The following SEC24A variants were observed in gnomAD, a reference collection of about 807,000 sequenced individuals.
SEC24A encodes SEC24 homolog A, COPII component.
A neutral mutation model predicts 129.4 loss-of-function variants in SEC24A; 93 were observed. The observed-to-expected ratio is 0.72, with a 90% CI of 0.61 to 0.85. SEC24A has a LOEUF of 0.85. Ranked by LOEUF, SEC24A falls within the 40% of genes least tolerant of loss-of-function variation. The probability of loss-of-function intolerance (pLI) is 0.00; values close to 1 mark genes in which losing one functional copy is unlikely to be tolerated. For missense variants in SEC24A, 1,264 were observed against 1,307.4 expected (o/e 0.97, Z 0.51); for synonymous variants, 460 against 467.3 (o/e 0.98, Z 0.20).
At chr5:134,686,535 C>T (rs1289634562) in intron 9 of SEC24A, among the ~76,000 whole-genome samples, 1 of 152,184 alleles carries the variant, frequency 6.6e-6, no homozygotes, top group Non-Finnish European at 1.5e-5. Flanking sequence ...CCACGCCCAG[C>T]CACAGGCCCT....
At chr5:134,678,916 TC>T (rs1451357379) in intron 7 of SEC24A, among the ~76,000 whole-genome samples, 19 of 152,152 alleles carry the variant, frequency 1.2e-4, no homozygotes, top group Admixed American at 9.8e-4. Context: ...GGTCTTACTT[TC>T]TTGCCCAGGT....
chr5:134,678,121 A>G (rs1217344408), intron 7 of SEC24A, among the ~76,000 whole-genome samples: 3 of 152,180 alleles, frequency 2.0e-5, no homozygotes, highest in African/African-American at 4.8e-5. Context: ...TCTTGGGCTC[A>G]AGCAGTCCTC....
chr5:134,704,685 C>G (rs948019485), intron 16 of SEC24A, among the ~76,000 whole-genome samples: 1 of 151,654 alleles, frequency 6.6e-6, no homozygotes, highest in Non-Finnish European at 1.5e-5. Context: ...CACTGGTAGT[C>G]CTACCTACTT....
In SEC24A at chr5:134,725,269, A is replaced by G. The variant is rs1752732419; in HGVS notation, c.*175A>G. On this transcript the variant is annotated 3_prime_UTR_variant, in exon 23 of 23. Coordinates refer to ENST00000398844, the MANE Select transcript of SEC24A (RefSeq NM_021982.3). ...AAAAGACCACAGCAGAGAATCAAACATGCAACTCTGAAATACTGTATTTTT... is the reference window on the plus strand; with the variant it reads ...AAAAGACCACAGCAGAGAATCAAACGTGCAACTCTGAAATACTGTATTTTT... The G allele has an allele frequency of 2.0e-6, 1 of 506,390 alleles. No homozygotes were observed. Among genetic ancestry groups the G allele is most frequent in the Admixed American group, 4.0e-5 (1 of 25,148 alleles). The allele number at this position is 506,390 out of a possible 1,614,324, so 31.4% of individuals were successfully genotyped here.
At position 134,718,166 on chromosome 5, in the gene SEC24A, C is replaced by A; in HGVS notation, c.2963C>A (p.Ala988Glu). The A allele has an allele frequency of 6.2e-7, 1 of 1,611,290 alleles. No homozygotes were observed. Among genetic ancestry groups the A allele is most frequent in the Non-Finnish European group, 8.5e-7 (1 of 1,177,400 alleles). Residue 988 changes from alanine (A) to glutamate (E), a missense_variant, in exon 20 of 23, where the codon GCA becomes GAA. Ala to Glu is a moderately radical substitution (Grantham distance 107). Transcript: ENST00000398844. The stretch of plus-strand genomic sequence containing the variant: ...AGAGATGGAGCTTTCCTCATGGATG[C>A]AGGCTCTGTAAGTAATTTGACTTAT... ...LSRDGAFLMD[A>E]GSVLMLWVGK...
intron 15 of SEC24A, chr5:134,701,124 G>A (rs1751995925): frequency 6.6e-6 from 1 of 152,208 alleles, no homozygotes. Context: ...TGGGATTACA[G>A]GCATGAGCTA....
In SEC24A at chr5:134,673,323, G is replaced by A. The variant is rs187740096; in HGVS notation, c.818-1292G>A. 3.1e-3 allele frequency among the ~76,000 whole-genome samples: 478 copies of A among 152,046 alleles called. 4 individuals are homozygous for A. Among genetic ancestry groups the A allele is most frequent in the African/African-American group, 0.011 (449 of 41,480 alleles). ...CCTACCTCGGCCTCCCAAAGTGCTGGGATTACAGGTATGAGCCACCTCGCC... is the reference window on the plus strand; with the variant it reads ...CCTACCTCGGCCTCCCAAAGTGCTGAGATTACAGGTATGAGCCACCTCGCC... On this transcript the variant is annotated intron_variant, in intron 4 of 22. Transcript: ENST00000398844.
chr5:134,666,506 G>C (rs1750663812), intron 2 of SEC24A, among the ~76,000 whole-genome samples: 1 of 151,974 alleles, frequency 6.6e-6, no homozygotes, highest in Non-Finnish European at 1.5e-5. Context: ...GCAGTGAACT[G>C]AGATAGCGCT....
At chr5:134,668,315 G>C (rs868520550) in intron 3 of SEC24A, among the ~76,000 whole-genome samples, 29 of 151,988 alleles carry the variant, frequency 1.9e-4, no homozygotes, top group African/African-American at 7.0e-4. Flanking sequence ...AAGGCCGGGC[G>C]TGGTGGCTCA....
At chr5:134,672,924 G>T (rs188554379) in intron 4 of SEC24A, among the ~76,000 whole-genome samples, 1 of 151,100 alleles carries the variant, frequency 6.6e-6, no homozygotes, top group East Asian at 1.9e-4. Flanking sequence ...TTGTAGAGAT[G>T]GGGGGGTGGG....
intron 4 of SEC24A, among the ~76,000 whole-genome samples, chr5:134,672,670 G>A (rs1028742325): frequency 2.0e-5 from 3 of 151,534 alleles, no homozygotes; most frequent in African/African-American, 7.3e-5. Context: ...TAGATTTTTT[G>A]TTAAGTTTTT....
intron 9 of SEC24A, among the ~76,000 whole-genome samples, chr5:134,686,502 G>C (rs570592044): frequency 6.6e-6 from 1 of 152,196 alleles, no homozygotes; most frequent in East Asian, 1.9e-4. Context: ...CTCCCAAAGT[G>C]CTGGGATTAC....
At chr5:134,711,910 G>A (rs1472108590) in intron 18 of SEC24A, among the ~76,000 whole-genome samples, 2 of 152,030 alleles carry the variant, frequency 1.3e-5, no homozygotes, top group African/African-American at 4.8e-5. Context: ...ACCACGCCCG[G>A]CTAATTTTTT....
intron 1 of SEC24A, among the ~76,000 whole-genome samples, chr5:134,660,780 C>T (rs984847287): frequency 4.6e-5 from 7 of 151,996 alleles, no homozygotes; most frequent in African/African-American, 1.4e-4. Flanking sequence ...TGGTCTTGAA[C>T]TCCTGGGCTC....
At chr5:134,701,458 TG>T (rs2150103242) in intron 15 of SEC24A, among the ~76,000 whole-genome samples, 1 of 152,210 alleles carries the variant, frequency 6.6e-6, no homozygotes, top group East Asian at 1.9e-4. Flanking sequence ...TATTTTTATA[TG>T]TACCTTATTT....
chr5:134,689,627 G>T (rs1051743020), intron 11 of SEC24A, among the ~76,000 whole-genome samples: 3 of 152,108 alleles, frequency 2.0e-5, no homozygotes, highest in African/African-American at 7.2e-5. Flanking sequence ...TGGGCGTGGT[G>T]GTGCGTACCT....
intron 12 of SEC24A, 77 bp from the exon 13 acceptor site, chr5:134,693,650 T>C: frequency 5.2e-6 from 8 of 1,538,920 alleles, no homozygotes; most frequent in Non-Finnish European, 7.0e-6. Context: ...ATGTCTTGTC[T>C]ATTGTATGAG....
rs187818164 is a variant in SEC24A, at chr5:134,695,759, A to G, written c.1987-1367A>G. On this transcript the variant is annotated intron_variant, in intron 13 of 22. Transcript: ENST00000398844. ...GTGCCACTGCACTCCAGCCTGAGCG[A>G]CAGAGTGAGACTCCGTCTCAAAACA... Among the ~76,000 whole-genome samples, 6 of 152,094 alleles carry G rather than the reference A, an allele frequency of 3.9e-5. No individual in the cohort carries two copies. In the East Asian group the frequency reaches 1.2e-3, roughly 30 times the overall value.
At chr5:134,677,893 G>T (rs1187735138) in intron 7 of SEC24A, among the ~76,000 whole-genome samples, 3 of 151,774 alleles carry the variant, frequency 2.0e-5, no homozygotes, top group Non-Finnish European at 4.4e-5. Context: ...ATGTCACTTT[G>T]TTGTCCAAGG....
Sources: allele counts gnomAD v4.1 joint callset (sites outside exome capture counted in the v4.1 genomes callset), GRCh38; gene constraint gnomAD v4.1.1; transcripts MANE v1.5; gene names NCBI Gene and HGNC (gene_info 2026-07-23, HGNC 2026-07-21).